Variants in TRPM4 observed in about 807,000 individuals in gnomAD.
TRPM4 encodes calcium-activated non-selective cation channel 1.
In TRPM4, 124 loss-of-function variants were observed where a neutral mutation model predicts 135.6. That is an observed-to-expected ratio of 0.91 (90% confidence interval 0.79 to 1.06). The LOEUF (loss-of-function observed/expected upper bound fraction) is 1.06, where lower values mean the gene tolerates loss of function less well. Among genes scored for constraint, TRPM4 ranks in the 50% least tolerant of loss-of-function variants. The pLI is 0.00. For synonymous variants in TRPM4, 745 were observed against 705.6 expected (o/e 1.06, Z -0.88); for missense variants, 1,658 against 1,671.4 (o/e 0.99, Z 0.14).
rs752213084 is a variant in TRPM4, at chr19:49,196,415, T to C, written c.2211-25T>C. ...ACTCAGAGGTCAGAGTGAGGCCTCCTCCCTTCTCTTCTCTTCCCCCACAGG... is the reference window on the plus strand; with the variant it reads ...ACTCAGAGGTCAGAGTGAGGCCTCCCCCCTTCTCTTCTCTTCCCCCACAGG... On this transcript the variant is annotated intron_variant, in intron 16 of 24. Transcript: ENST00000252826. 5 of 1,519,908 alleles carry C rather than the reference T, an allele frequency of 3.3e-6. No individual in the cohort carries two copies. The East Asian group carries it at 1.2e-4, about 37-fold the overall frequency. 94.2% of individuals were successfully genotyped at this position (1,519,908 alleles called of 1,614,324 possible). A position where few individuals can be genotyped will look rare whatever the true frequency, so the allele number is the denominator to read the frequency against.
At chr19:49,184,876 A>G (rs956632634) in intron 12 of TRPM4, among the ~76,000 whole-genome samples, 11 of 151,984 alleles carry the variant, frequency 7.2e-5, no homozygotes, top group Non-Finnish European at 1.5e-4. Context: ...CAGAAAAAAA[A>G]GCAGCCACTT....
intron 10 of TRPM4, among the ~76,000 whole-genome samples, chr19:49,181,990 A>G (rs186780600): frequency 8.2e-4 from 123 of 150,570 alleles, no homozygotes; most frequent in African/African-American, 2.8e-3. Flanking sequence ...ACCTCCATCT[A>G]TCCATTCATC....
At position 49,182,811 on chromosome 19, in the gene TRPM4, G is replaced by GCCCCCTGA. The variant is rs1415197792; in HGVS notation, c.1499_1506dup (p.Val503ProfsTer8). The GCCCCCTGA allele has an allele frequency of 2.2e-5, 36 of 1,613,148 alleles. No individual in the cohort carries two copies. The highest frequency in any genetic ancestry group is 3.0e-5 in the Non-Finnish European group (35 of 1,179,674). On this transcript the variant is annotated frameshift_variant, in exon 11 of 25. Transcript: ENST00000252826. LOFTEE classifies it high-confidence loss of function. ...TAAAAGGGGGAGCTGCGGAGCTCCGGCCCCCTGACGTGGGGCATGTGCTGA... is the reference window on the plus strand; with the variant it reads ...TAAAAGGGGGAGCTGCGGAGCTCCGGCCCCCTGACCCCCTGACGTGGGGCATGTGCTGA...
At chr19:49,203,393 A>C (rs576540739) in intron 20 of TRPM4, among the ~76,000 whole-genome samples, 46 of 151,650 alleles carry the variant, frequency 3.0e-4, no homozygotes, top group Middle Eastern at 3.4e-3. Context: ...GTTAGCCAGG[A>C]TGGTTTCGAT....
At chr19:49,164,767 G>C (rs1002904861) in intron 2 of TRPM4, among the ~76,000 whole-genome samples, 1 of 151,528 alleles carries the variant, frequency 6.6e-6, no homozygotes, top group Non-Finnish European at 1.5e-5. Flanking sequence ...GTCTCACTCT[G>C]TTGCCCAGGT....
At chr19:49,209,852 G>A (rs544126627) in intron 20 of TRPM4, among the ~76,000 whole-genome samples, 2 of 150,246 alleles carry the variant, frequency 1.3e-5, no homozygotes, top group African/African-American at 4.9e-5. Context: ...GGGTTCAAGC[G>A]ATTCTCCTGC....
intron 20 of TRPM4, among the ~76,000 whole-genome samples, chr19:49,203,138 G>T (rs1384307524): frequency 6.7e-6 from 1 of 149,666 alleles, no homozygotes. Flanking sequence ...TGATCCACCC[G>T]CCTTGGCCTC....
intron 2 of TRPM4, 152 bp downstream of exon 2, chr19:49,158,411 G>C: frequency 1.3e-6 from 1 of 757,396 alleles, no homozygotes; most frequent in Non-Finnish European, 2.3e-6. Flanking sequence ...CTCTAGGAGC[G>C]TTTGGGTCTG....
In TRPM4 at chr19:49,211,126, G is replaced by T. The variant is rs1160958163; in HGVS notation, c.3535-38G>T. On this transcript the variant is annotated intron_variant, in intron 23 of 24. Coordinates refer to ENST00000252826, the MANE Select transcript of TRPM4 (RefSeq NM_017636.4). The surrounding 1 kb of genome is among the most constrained non-coding windows in gnomAD (Gnocchi z 4.8). ...GCCTGGCTGGGGGACTGTGGCAGGG[G>T]TCCCATCTCCCGCTCTGACATTCCT... 9 of 1,611,804 alleles carry T rather than the reference G, an allele frequency of 5.6e-6. No individual in the cohort carries two copies. The highest frequency in any genetic ancestry group is 2.2e-5 in the East Asian group (1 of 44,804).
At chr19:49,200,538 C>T (rs1968881406) in intron 18 of TRPM4, 73 bp from the exon 19 acceptor site, 1 of 1,590,050 alleles carries the variant, frequency 6.3e-7, no homozygotes, top group Non-Finnish European at 8.5e-7. Context: ...AGCAATGGGG[C>T]GTGTTTTTGG....
chr19:49,162,671 C>T (rs1263815755), intron 2 of TRPM4, among the ~76,000 whole-genome samples: 1 of 152,104 alleles, frequency 6.6e-6, no homozygotes, highest in Non-Finnish European at 1.5e-5. Flanking sequence ...GAATTTTCCA[C>T]GATTTTGGAA....
At chr19:49,180,720 G>A (rs905544120) in intron 9 of TRPM4, among the ~76,000 whole-genome samples, 1 of 151,774 alleles carries the variant, frequency 6.6e-6, no homozygotes, top group African/African-American at 2.4e-5. Context: ...GGCCTGTCCA[G>A]CCTTCCCTTT....
At chr19:49,185,481 T>A (rs1968165846) in intron 12 of TRPM4, among the ~76,000 whole-genome samples, 1 of 152,194 alleles carries the variant, frequency 6.6e-6, no homozygotes, top group South Asian at 2.1e-4. Flanking sequence ...GCTCAAGCAA[T>A]CCTCCTGCCT....
rs375682523 is a variant in TRPM4 at position 49,210,815 on chromosome 19, C to G, written c.3434C>G (p.Ser1145Cys). ...ARARDKRESDSERLKRTSQKV... is the reference protein window; with the variant it reads ...ARARDKRESDCERLKRTSQKV... ...GCTAGGGACAAGCGGGAGAGCGACTCCGAGCGTCTGAAGCGCACGTCCCAG... is the reference window on the plus strand; with the variant it reads ...GCTAGGGACAAGCGGGAGAGCGACTGCGAGCGTCTGAAGCGCACGTCCCAG... Residue 1145 changes from serine (S) to cysteine (C), a missense_variant, in exon 22 of 25, where the codon TCC becomes TGC. Transcript: ENST00000252826. This position sits in a 1 kb window ranked among gnomAD's most constrained non-coding sequence, Gnocchi z 4.1. 60 of 1,613,020 alleles carry G rather than the reference C, an allele frequency of 3.7e-5. No homozygotes were observed. In the Middle Eastern group the frequency reaches 6.6e-4, roughly 18 times the overall value.
At chr19:49,196,316 T>G in intron 16 of TRPM4, 124 bp from the exon 17 acceptor site, 1 of 878,802 alleles carries the variant, frequency 1.1e-6, no homozygotes. Context: ...AAATTAGCTC[T>G]GGGCAGACTG....
At position 49,188,662 on chromosome 19, in the gene TRPM4, G is replaced by C; in HGVS notation, c.1765G>C (p.Ala589Pro). 1 of 1,614,174 alleles carries C rather than the reference G, an allele frequency of 6.2e-7. No individual in the cohort carries two copies. Among genetic ancestry groups the C allele is most frequent in the Non-Finnish European group, 8.5e-7 (1 of 1,180,048 alleles). The change falls in exon 13 of 25, where the codon GCT becomes CCT. Residue 589 changes from alanine (A) to proline (P), a missense_variant. Physicochemically the swap from Ala to Pro is conservative, Grantham distance 27. Around this residue, in one of 3 missense-constraint regions of TRPM4, gnomAD observed 1,412 missense variants for 1,408.7 expected, o/e 1.00. Coordinates refer to ENST00000252826, the MANE Select transcript of TRPM4 (RefSeq NM_017636.4). Reference sequence around the variant, plus strand: ...CCAGGGTTCCAATGCAGTTTCCTCAGCTCTTGGGGCCTGTTTGCTGCTCCG... The same window carrying C: ...CCAGGGTTCCAATGCAGTTTCCTCACCTCTTGGGGCCTGTTTGCTGCTCCG... ...WEMGSNAVSSALGACLLLRVM... is the reference protein window; with the variant it reads ...WEMGSNAVSSPLGACLLLRVM...
intron 2 of TRPM4, among the ~76,000 whole-genome samples, chr19:49,160,263 G>T (rs192548384): frequency 1.1e-4 from 17 of 152,280 alleles, no homozygotes; most frequent in Middle Eastern, 3.4e-3. Context: ...GGCCGAGGCG[G>T]GTGGATCACC....
chr19:49,182,411 T>C (rs1052236394), intron 10 of TRPM4, 167 bp from the exon 11 acceptor site: 11 of 670,232 alleles, frequency 1.6e-5, no homozygotes, highest in African/African-American at 3.6e-5. Context: ...CATCCATCTG[T>C]CCATCCATCC....
At chr19:49,209,734 C>G (rs1325466692) in intron 20 of TRPM4, among the ~76,000 whole-genome samples, 1 of 144,756 alleles carries the variant, frequency 6.9e-6, no homozygotes, top group Non-Finnish European at 1.5e-5. Context: ...CTTGGCCCTT[C>G]TAAACTGACT....
Sources: allele counts gnomAD v4.1 joint callset (sites outside exome capture counted in the v4.1 genomes callset), GRCh38; gene constraint gnomAD v4.1.1; regional missense constraint gnomAD v4.1.1; non-coding constraint Gnocchi (gnomAD v3.1); transcripts MANE v1.5; gene names NCBI Gene and HGNC (gene_info 2026-07-23, HGNC 2026-07-21).